The following DDX1 variants were observed in gnomAD, a reference collection of about 807,000 sequenced individuals.
DDX1 encodes the protein DEAD-box helicase 1.
DDX1 carries 28 observed loss-of-function variants against 108.7 expected under a neutral mutation model. The observed-to-expected ratio is 0.26, with a 90% CI of 0.19 to 0.35. The LOEUF is 0.35. Ranked by LOEUF, DDX1 falls within the 10% of genes least tolerant of loss-of-function variation. The probability of loss-of-function intolerance (pLI) is 1.00; values close to 1 mark genes in which losing one functional copy is unlikely to be tolerated. For missense variants in DDX1, 710 were observed against 884.5 expected (o/e 0.80, Z 2.50); for synonymous variants, 295 against 288.9 (o/e 1.02, Z -0.21).
At chr2:15,610,674 T>C (rs191813846) in intron 13 of DDX1, among the ~76,000 whole-genome samples, 11 of 152,348 alleles carry the variant, frequency 7.2e-5, no homozygotes, top group African/African-American at 2.6e-4. Flanking sequence ...AGTATATATG[T>C]CTGAAAACAT....
intron 1 of DDX1, among the ~76,000 whole-genome samples, chr2:15,594,863 C>G (rs1665473724): frequency 6.6e-6 from 1 of 152,204 alleles, no homozygotes; most frequent in Non-Finnish European, 1.5e-5. Flanking sequence ...TATCTCTGGT[C>G]TTCATATAGC....
intron 20 of DDX1, among the ~76,000 whole-genome samples, chr2:15,627,942 G>A (rs1449857802): frequency 1.3e-5 from 2 of 152,068 alleles, no homozygotes; most frequent in Admixed American, 6.6e-5. Flanking sequence ...TGTGCCTTGA[G>A]GCACAAATGA....
intron 16 of DDX1, among the ~76,000 whole-genome samples, chr2:15,618,806 G>A (rs975789256): frequency 1.3e-5 from 2 of 152,238 alleles, no homozygotes; most frequent in East Asian, 1.9e-4. Context: ...GTTCGCTGGC[G>A]CCCAAAGGCT....
chr2:15,593,757 T>C (rs989171962), intron 1 of DDX1, among the ~76,000 whole-genome samples: 6 of 151,932 alleles, frequency 3.9e-5, no homozygotes, highest in African/African-American at 1.5e-4. Flanking sequence ...AGTTTATCTG[T>C]GGCTTTTTTT....
rs567462516 is a variant in DDX1 at position 15,605,862 on chromosome 2, T to C, written c.626-88T>C. Reference sequence around the variant, plus strand: ...CATAGTGACAGGAGAGAGGCATGAATGCAGGTAAGCTGGTAGATTTGACAT... The same window carrying C: ...CATAGTGACAGGAGAGAGGCATGAACGCAGGTAAGCTGGTAGATTTGACAT... On this transcript the variant is annotated intron_variant, in intron 10 of 25. Coordinates refer to ENST00000233084, the MANE Select transcript of DDX1 (RefSeq NM_004939.3). 7.2e-4 allele frequency: 636 copies of C among 882,122 alleles called. 10 individuals are homozygous for C. In the South Asian group the frequency reaches 0.012, roughly 17 times the overall value. 54.6% of individuals were successfully genotyped at this position (882,122 alleles called of 1,614,324 possible).
At chr2:15,625,414 AT>A (rs796235101) in intron 19 of DDX1, among the ~76,000 whole-genome samples, 11 of 152,266 alleles carry the variant, frequency 7.2e-5, no homozygotes, top group African/African-American at 2.6e-4. Flanking sequence ...AGATTTGTAG[AT>A]TTCTTGAATA....
chr2:15,626,927 A>G (rs1429003476), intron 19 of DDX1, 127 bp from the exon 20 acceptor site: 2 of 584,632 alleles, frequency 3.4e-6, no homozygotes, highest in Non-Finnish European at 6.1e-6. Flanking sequence ...CATGGTTTAT[A>G]GCAAGTTGGG....
rs1274244906 is a variant in DDX1, at chr2:15,608,673, T to TAG, written c.956+1360_956+1361insAG. Among the ~76,000 whole-genome samples the TAG allele has an allele frequency of 3.5e-3, 516 of 146,862 alleles. 10 individuals are homozygous for TAG. The highest frequency in any genetic ancestry group is 0.026 in the Admixed American group (388 of 14,806). ...TGTGTTTTTTTTTAGGTTTTTTTTT[T>TAG]TTTTTTTTTTTTATGAAGTCTCGCT... On this transcript the variant is annotated intron_variant, in intron 13 of 25. Transcript: ENST00000233084.
At chr2:15,593,297 C>G (rs761117291) in intron 1 of DDX1, among the ~76,000 whole-genome samples, 3 of 152,046 alleles carry the variant, frequency 2.0e-5, no homozygotes, top group African/African-American at 7.2e-5. Flanking sequence ...TCTCCTAAAA[C>G]GATTTTAGAG....
At chr2:15,619,598 C>T (rs1665958264) in intron 16 of DDX1, among the ~76,000 whole-genome samples, 1 of 152,202 alleles carries the variant, frequency 6.6e-6, no homozygotes, top group South Asian at 2.1e-4. Context: ...TTGGTCCCCT[C>T]TCATTAAATT....
chr2:15,592,653 C>T (rs1203239753), intron 1 of DDX1, among the ~76,000 whole-genome samples: 1 of 152,072 alleles, frequency 6.6e-6, no homozygotes, highest in East Asian at 1.9e-4. Flanking sequence ...ATATTTTCGC[C>T]TCTTGCTTTA....
chr2:15,609,976 C>A, intron 13 of DDX1, among the ~76,000 whole-genome samples: 1 of 152,290 alleles, frequency 6.6e-6, no homozygotes, highest in Admixed American at 6.5e-5. Flanking sequence ...CACTCTGTCA[C>A]CTAGGCTGGA....
chr2:15,608,673 T>G (rs1486085471), intron 13 of DDX1, among the ~76,000 whole-genome samples: 1 of 146,762 alleles, frequency 6.8e-6, no homozygotes, highest in Admixed American at 6.8e-5. Flanking sequence ...GTTTTTTTTT[T>G]TTTTTTTTTT....
chr2:15,594,782 G>C (rs370180207), intron 1 of DDX1, among the ~76,000 whole-genome samples: 1 of 152,210 alleles, frequency 6.6e-6, no homozygotes, highest in East Asian at 1.9e-4. Flanking sequence ...CACGAGTCAT[G>C]AGAGGTAAAC....
Position 15,606,008 on chromosome 2 carries a change from T to G in DDX1, c.684T>G (p.Phe228Leu). The G allele has an allele frequency of 6.3e-7, 1 of 1,589,754 alleles. No homozygotes were observed. The highest frequency in any genetic ancestry group is 8.5e-7 in the Non-Finnish European group (1 of 1,171,482). The change falls in exon 11 of 26, where the codon TTT becomes TTG. Residue 228 changes from phenylalanine (F) to leucine (L), a missense_variant. Physicochemically the swap from Phe to Leu is conservative, Grantham distance 22. Around this residue, in one of 3 missense-constraint regions of DDX1, gnomAD observed 661 missense variants for 810.2 expected, o/e 0.82. Transcript: ENST00000233084. ...IPPHMKNQAL[F>L]PACVLKNAEL... ...CACATATGAAAAACCAAGCCCTCTTTCCTGCCTGTGTTTTGAAGGTAATTA... is the reference window on the plus strand; with the variant it reads ...CACATATGAAAAACCAAGCCCTCTTGCCTGCCTGTGTTTTGAAGGTAATTA...
At chr2:15,616,067 TG>T (rs1474598080) in intron 14 of DDX1, among the ~76,000 whole-genome samples, 1 of 53,228 alleles carries the variant, frequency 1.9e-5, no homozygotes, top group East Asian at 1.9e-3. Context: ...TAATTTTGTG[TG>T]TGTGTGTGTG....
At chr2:15,615,842 A>G (rs1263236254) in intron 14 of DDX1, among the ~76,000 whole-genome samples, 1 of 152,126 alleles carries the variant, frequency 6.6e-6, no homozygotes, top group Non-Finnish European at 1.5e-5. Flanking sequence ...GTAATACCTT[A>G]TTTGTGCTCA....
chr2:15,605,081 G>C (rs1203663587), intron 10 of DDX1, among the ~76,000 whole-genome samples: 11 of 152,192 alleles, frequency 7.2e-5, no homozygotes, highest in Admixed American at 7.2e-4. Context: ...AGAGCCATAT[G>C]GGCCATGATC....
chr2:15,599,538 C>G, intron 5 of DDX1, 131 bp from the exon 6 acceptor site: 1 of 522,338 alleles, frequency 1.9e-6, no homozygotes, highest in Non-Finnish European at 3.4e-6. Context: ...GTCTTGAACT[C>G]CTGACCTCAA....
Sources: gnomAD v4.1 joint callset for allele counts (sites outside exome capture counted in the v4.1 genomes callset) on GRCh38, gnomAD v4.1.1 for gene constraint, gnomAD v4.1.1 regional missense constraint, MANE v1.5 for transcripts, NCBI Gene and HGNC (gene_info 2026-07-23, HGNC 2026-07-21) for gene names.